Variants in FNDC3B observed in about 807,000 individuals in gnomAD.
The protein encoded by FNDC3B is fibronectin type III domain-containing protein 3B.
FNDC3B carries 12 observed loss-of-function variants against 151.5 expected under a neutral mutation model. That is an observed-to-expected ratio of 0.08 (90% CI 0.05 to 0.13). The LOEUF is 0.13. Ranked by LOEUF, FNDC3B falls within the 10% of genes least tolerant of loss-of-function variation. FNDC3B has a pLI of 1.00. For synonymous variants in FNDC3B, 528 were observed against 549.0 expected, an observed-to-expected ratio of 0.96 and a Z score of 0.54; for missense variants, 1,214 against 1,505.3, an observed-to-expected ratio of 0.81 and a Z score of 3.20.
At chr3:172,351,514 G>T (rs77747203) in intron 21 of FNDC3B, among the ~76,000 whole-genome samples, 1,815 of 152,312 alleles carry the variant, frequency 0.012, 37 homozygotes, top group African/African-American at 0.041. Flanking sequence ...GTAGGGTTTT[G>T]TAAGAACTTC....
chr3:172,228,605 G>A (rs1332609762), intron 4 of FNDC3B, among the ~76,000 whole-genome samples: 1 of 152,202 alleles, frequency 6.6e-6, no homozygotes, highest in African/African-American at 2.4e-5. Flanking sequence ...AATCCAAATA[G>A]AGTAAAAGTA....
intron 1 of FNDC3B, among the ~76,000 whole-genome samples, chr3:172,089,938 A>G (rs971632803): frequency 6.6e-5 from 10 of 152,230 alleles, no homozygotes; most frequent in African/African-American, 2.4e-4. Context: ...TTCGACATAT[A>G]TAATTCATTT....
At position 172,099,377 on chromosome 3, in the gene FNDC3B, A is replaced by C. The variant is rs145459001; in HGVS notation, c.-28-13075A>C. Among the ~76,000 whole-genome samples the C allele has an allele frequency of 1.1e-4, 17 of 152,188 alleles. No individual in the cohort carries two copies. In the East Asian group the frequency reaches 3.3e-3, roughly 29 times the overall value. On this transcript the variant is annotated intron_variant, in intron 1 of 25. Coordinates refer to ENST00000415807, the MANE Select transcript of FNDC3B (RefSeq NM_022763.4). ...ACTAGATCAAATCATGGCGGGACTT[A>C]AAATGGGCTCATTGAGCAGTAAATG...
chr3:172,359,944 G>A (rs1734286077), intron 22 of FNDC3B, among the ~76,000 whole-genome samples: 2 of 152,178 alleles, frequency 1.3e-5, no homozygotes, highest in South Asian at 4.1e-4. Flanking sequence ...GTGATTATAA[G>A]TAGAGCTGCT....
At chr3:172,307,610 T>C in intron 10 of FNDC3B, 109 bp downstream of exon 10, 1 of 1,094,272 alleles carries the variant, frequency 9.1e-7, no homozygotes, top group Non-Finnish European at 1.3e-6. Flanking sequence ...GGGGGATCAC[T>C]TGAACCCAGG....
intron 4 of FNDC3B, among the ~76,000 whole-genome samples, chr3:172,236,699 C>A (rs559823259): frequency 1.3e-5 from 2 of 152,244 alleles, no homozygotes; most frequent in Non-Finnish European, 2.9e-5. Flanking sequence ...TATCTGGGGA[C>A]AACTCTGGGC....
intron 3 of FNDC3B, among the ~76,000 whole-genome samples, chr3:172,171,600 C>CTT (rs34275289): frequency 2.8e-4 from 35 of 123,532 alleles, no homozygotes; most frequent in African/African-American, 9.8e-4. Context: ...GCTGTATTAA[C>CTT]TTTTTTTTTT....
chr3:172,360,736 C>T (rs1734314772), intron 22 of FNDC3B, among the ~76,000 whole-genome samples: 1 of 152,112 alleles, frequency 6.6e-6, no homozygotes, highest in South Asian at 2.1e-4. Flanking sequence ...AGTCAATTGG[C>T]CCCATTTGTG....
At chr3:172,279,555 C>T (rs1467951769) in intron 6 of FNDC3B, among the ~76,000 whole-genome samples, 1 of 152,170 alleles carries the variant, frequency 6.6e-6, no homozygotes, top group African/African-American at 2.4e-5. Flanking sequence ...ATAGAGTAAC[C>T]ACTTCACCAG....
chr3:172,070,725 T>C (rs1052500333), intron 1 of FNDC3B, among the ~76,000 whole-genome samples: 1 of 152,214 alleles, frequency 6.6e-6, no homozygotes, highest in African/African-American at 2.4e-5. Flanking sequence ...TAGAGAATAG[T>C]AGTGGATCCC....
chr3:172,239,775 CAAAAAAA>C (rs200097298), intron 4 of FNDC3B, among the ~76,000 whole-genome samples: 22 of 70,194 alleles, frequency 3.1e-4, no homozygotes, highest in Non-Finnish European at 6.3e-4. Flanking sequence ...TTAGCTAAGA[CAAAAAAA>C]AAAAAAAAGA....
chr3:172,344,103 A>G lies in FNDC3B; in HGVS notation c.2095A>G (p.Ser699Gly). ...HLEWDVPASE[S>G]GCEVSEYSVE... ...ATTCCCAGATGTTCCTGCATCGGAA[A>G]GTGGCTGTGAGGTCTCAGAGTACAG... The change falls in exon 19 of 26, where the codon AGT becomes GGT. Residue 699 changes from serine (S) to glycine (G), a missense_variant. By Grantham distance (56) the Ser-to-Gly change is moderately conservative. Coordinates refer to ENST00000415807, the MANE Select transcript of FNDC3B (RefSeq NM_022763.4). 6.2e-7 allele frequency: 1 copy of G among 1,611,090 alleles called. No homozygotes were observed. The highest frequency in any genetic ancestry group is 8.5e-7 in the Non-Finnish European group (1 of 1,178,724).
intron 7 of FNDC3B, among the ~76,000 whole-genome samples, chr3:172,293,908 G>C (rs929008210): frequency 6.6e-6 from 1 of 151,840 alleles, no homozygotes; most frequent in African/African-American, 2.4e-5. Context: ...AATGGAAGAA[G>C]GAAAAAAAGG....
chr3:172,251,145 C>A, intron 5 of FNDC3B, 115 bp from the exon 6 acceptor site: 1 of 832,728 alleles, frequency 1.2e-6, no homozygotes, highest in East Asian at 2.7e-5. Context: ...TTTAGTAATA[C>A]TTTAGACTTC....
intron 6 of FNDC3B, among the ~76,000 whole-genome samples, chr3:172,265,106 T>G (rs1004651162): frequency 2.0e-5 from 3 of 152,214 alleles, no homozygotes; most frequent in Non-Finnish European, 4.4e-5. Context: ...TCTCTAGGGT[T>G]CATTTGTAAT....
In FNDC3B at chr3:172,318,872, G is replaced by A. The variant is rs538188454; in HGVS notation, c.1254+7991G>A. Among the ~76,000 whole-genome samples, 244 of 152,246 alleles carry A rather than the reference G, an allele frequency of 1.6e-3. 1 individual carries two copies. Among genetic ancestry groups the A allele is most frequent in the African/African-American group, 5.8e-3 (242 of 41,532 alleles). ...CCATGTCTTACGGTTGTTTCAGAAA[G>A]CCAAGAGAATTGCTGCCCCACTATA... On this transcript the variant is annotated intron_variant, in intron 11 of 25. Transcript: ENST00000415807.
At position 172,257,566 on chromosome 3, in the gene FNDC3B, TCATACACA is replaced by T. The variant is rs1192838064; in HGVS notation, c.790+6028_790+6035del. ...TTCACCCCTACCACATCACACGCAT[TCATACACA>T]CACACACACACACACACACACACAC... On this transcript the variant is annotated intron_variant, in intron 6 of 25. Coordinates refer to ENST00000415807, the MANE Select transcript of FNDC3B (RefSeq NM_022763.4). Among the ~76,000 whole-genome samples the T allele has an allele frequency of 2.1e-4, 22 of 103,028 alleles. No homozygotes were observed. In the Admixed American group the frequency reaches 2.4e-3, roughly 11 times the overall value. The allele number at this position is 103,028 out of a possible 152,430, so 67.6% of individuals were successfully genotyped here. A position where few individuals can be genotyped will look rare whatever the true frequency, so the allele number is the denominator to read the frequency against.
At chr3:172,259,523 A>G (rs1299070258) in intron 6 of FNDC3B, among the ~76,000 whole-genome samples, 1 of 152,198 alleles carries the variant, frequency 6.6e-6, no homozygotes, top group East Asian at 1.9e-4. Flanking sequence ...GCGCTTTCTG[A>G]CTTGGGCCTT....
chr3:172,252,173 G>T (rs950417915), intron 6 of FNDC3B, among the ~76,000 whole-genome samples: 2 of 152,228 alleles, frequency 1.3e-5, no homozygotes, highest in South Asian at 4.1e-4. Context: ...TTGGAGGAAG[G>T]TTTATGTGTT....
Sources: allele counts gnomAD v4.1 joint callset (sites outside exome capture counted in the v4.1 genomes callset), GRCh38; gene constraint gnomAD v4.1.1; transcripts MANE v1.5; gene names NCBI Gene and HGNC (gene_info 2026-07-23, HGNC 2026-07-21).